Variants in PCDH19 observed in about 807,000 individuals in gnomAD.
The protein encoded by PCDH19 is protocadherin 19, also known as protocadherin-19.
In PCDH19, 6 loss-of-function variants were observed where a neutral mutation model predicts 46.2. The ratio of observed to expected loss-of-function variants is 0.13; its 90% CI spans 0.07 to 0.26. The LOEUF is 0.26. Ranked by LOEUF, PCDH19 falls within the 10% of genes least tolerant of loss-of-function variation. The pLI is 1.00. For synonymous variants in PCDH19, 481 were observed against 415.7 expected (o/e 1.16, Z -1.91); for missense variants, 740 against 972.3 (o/e 0.76, Z 3.18).
chrX:100,392,323 G>T (rs538914271), intron 3 of PCDH19, among the ~76,000 whole-genome samples: 241 of 112,147 alleles, frequency 2.1e-3, no homozygotes, highest in East Asian at 5.9e-3. Context: ...AAAATAGAAT[G>T]ACCTAGAAGT....
In PCDH19 at chrX:100,409,709, TCCGCCGCCGCCGCCGCCG is replaced by T. The variant is rs59564734; in HGVS notation, c.-1130_-1113del. ...TTTGGGCTGGGGTGTCGCTCCAAGG[TCCGCCGCCGCCGCCGCCG>T]CCGCCGCCGCCGCGGGAGGAAGCCC... On this transcript the variant is annotated 5_prime_UTR_variant, in exon 1 of 6. Coordinates refer to ENST00000373034, the MANE Select transcript of PCDH19 (RefSeq NM_001184880.2). The T allele has an allele frequency of 2.5e-4, 62 of 244,454 alleles. No individual in the cohort carries two copies. The highest frequency in any genetic ancestry group is 1.7e-3 in the African/African-American group (53 of 30,845). The allele number at this position is 244,454 out of a possible 1,213,427, so 20.1% of individuals were successfully genotyped here. A position where few individuals can be genotyped will look rare whatever the true frequency, so the allele number is the denominator to read the frequency against.
chrX:100,386,323 A>G (rs1482288569), intron 3 of PCDH19, among the ~76,000 whole-genome samples: 1 of 111,441 alleles, frequency 9.0e-6, no homozygotes, highest in Non-Finnish European at 1.9e-5. Flanking sequence ...CGAATAAAGC[A>G]TCGTGTGCTT....
rs1303168162 is a variant in PCDH19, at chrX:100,403,791, G to A, written c.2148-127C>T. On this transcript the variant is annotated intron_variant, in intron 1 of 5. Transcript: ENST00000373034. ...TTAACACTGACACAGACCCAGCAACGTGCACCAAAGACACCAGGCATTAAG... is the reference window on the plus strand; with the variant it reads ...TTAACACTGACACAGACCCAGCAACATGCACCAAAGACACCAGGCATTAAG... 6.2e-6 allele frequency: 3 copies of A among 486,941 alleles called. No homozygotes were observed. The African/African-American group carries it at 7.3e-5, about 12-fold the overall frequency. 40.1% of individuals were successfully genotyped at this position (486,941 alleles called of 1,213,427 possible). A position where few individuals can be genotyped will look rare whatever the true frequency, so the allele number is the denominator to read the frequency against.
intron 5 of PCDH19, among the ~76,000 whole-genome samples, chrX:100,327,252 T>C (rs1925722940): frequency 8.9e-6 from 1 of 112,277 alleles, no homozygotes; most frequent in Non-Finnish European, 1.9e-5. Flanking sequence ...TATCTGGATC[T>C]TCTCACAACA....
At chrX:100,366,156 CT>C (rs1927065934) in intron 3 of PCDH19, among the ~76,000 whole-genome samples, 1 of 112,119 alleles carries the variant, frequency 8.9e-6, no homozygotes, top group African/African-American at 3.2e-5. Flanking sequence ...AAACAACTTG[CT>C]TTGTTGCCAC....
At chrX:100,322,861 A>T (rs868232498) in intron 5 of PCDH19, among the ~76,000 whole-genome samples, 1,160 of 44,358 alleles carry the variant, frequency 0.026, 107 homozygotes, top group African/African-American at 0.1. Flanking sequence ...ATATATATAT[A>T]TATATTTTTG....
chrX:100,370,042 C>T (rs747767798), intron 3 of PCDH19, among the ~76,000 whole-genome samples: 63 of 111,320 alleles, frequency 5.7e-4, no homozygotes, highest in African/African-American at 1.9e-3. Context: ...ACTTCCAAAA[C>T]GACCACCAGA....
In PCDH19 at chrX:100,408,393, G is replaced by C. The variant is rs1457943470; in HGVS notation, c.205C>G (p.Pro69Ala). The change falls in exon 1 of 6, where the codon CCA (proline) becomes GCA (alanine). Residue 69 changes from proline (P) to alanine (A), a missense_variant. Physicochemically the swap from Pro to Ala is conservative, Grantham distance 27. Transcript: ENST00000373034. The stretch of plus-strand genomic sequence containing the variant: ...CTGGGATTGATGTCCACTAGGTGTG[G>C]AGCCGAGTTGGACACCACGCGAAAG... ...SAFRVVSNSA[P>A]HLVDINPSSG... 1.7e-6 allele frequency: 2 copies of C among 1,206,749 alleles called. No individual in the cohort carries two copies. The highest frequency in any genetic ancestry group is 2.2e-6 in the Non-Finnish European group (2 of 894,414).
At chrX:100,322,861 A>ATTTTTTTTTT (rs1157437894) in intron 5 of PCDH19, among the ~76,000 whole-genome samples, 4 of 44,400 alleles carry the variant, frequency 9.0e-5, no homozygotes, top group African/African-American at 3.2e-4. Flanking sequence ...ATATATATAT[A>ATTTTTTTTTT]TATATTTTTG....
chrX:100,331,616 C>T (rs1925873091), intron 5 of PCDH19, among the ~76,000 whole-genome samples: 1 of 111,928 alleles, frequency 8.9e-6, no homozygotes, highest in African/African-American at 3.3e-5. Context: ...AGGGAGGGAC[C>T]TGTAATCCCC....
rs192725308 is a variant in PCDH19, at chrX:100,353,235, G to A, written c.2617-2531C>T. On this transcript the variant is annotated intron_variant, in intron 3 of 5. Transcript: ENST00000373034. ...ACTAAATCATTTTTTCAAGAAGATT[G>A]GTAAAGAGACAAAAATACAAAAAGG... Among the ~76,000 whole-genome samples, 3 of 111,938 alleles carry A rather than the reference G, an allele frequency of 2.7e-5. No individual in the cohort carries two copies. The East Asian group carries it at 8.5e-4, about 32-fold the overall frequency.
At chrX:100,380,881 A>C (rs1274676664) in intron 3 of PCDH19, among the ~76,000 whole-genome samples, 2 of 112,573 alleles carry the variant, frequency 1.8e-5, no homozygotes, top group Non-Finnish European at 3.7e-5. Context: ...CATTGTATTG[A>C]TAATATAATT....
chrX:100,368,175 G>C (rs1479711041), intron 3 of PCDH19, among the ~76,000 whole-genome samples: 1 of 111,679 alleles, frequency 9.0e-6, no homozygotes, highest in Non-Finnish European at 1.9e-5. Flanking sequence ...TTTTGAGCCA[G>C]TAAAGGTTTT....
At chrX:100,341,868 T>C (rs1569297028) in intron 5 of PCDH19, 35 bp downstream of exon 5, 4 of 1,180,928 alleles carry the variant, frequency 3.4e-6, no homozygotes, top group African/African-American at 1.8e-5. Flanking sequence ...TTCTTTGGAG[T>C]CGATTGCTGC....
intron 3 of PCDH19, among the ~76,000 whole-genome samples, chrX:100,357,577 T>C (rs1926754386): frequency 8.9e-6 from 1 of 111,879 alleles, no homozygotes; most frequent in African/African-American, 3.3e-5. Context: ...TTCAAGACCT[T>C]ACAGTAGCTC....
Position 100,406,663 on chromosome X carries a change from G to A in PCDH19, c.1935C>T (p.His645=), listed in dbSNP as rs752598951. 1.7e-6 allele frequency: 2 copies of A among 1,211,608 alleles called. No homozygotes were observed. The highest frequency in any genetic ancestry group is 2.2e-6 in the Non-Finnish European group (2 of 895,334). Residue 645 remains histidine, a synonymous_variant, in exon 1 of 6, where the codon CAC becomes CAT. Transcript: ENST00000373034. ...KSSYELIVVA[H]DHGKTSLSAS... ...CAGAGAGAGATGTCTTGCCGTGGTC[G>A]TGAGCCACCACGATAAGCTCATAGG...
intron 3 of PCDH19, among the ~76,000 whole-genome samples, chrX:100,391,078 G>A (rs1927848792): frequency 9.0e-6 from 1 of 111,679 alleles, no homozygotes; most frequent in Admixed American, 9.5e-5. Context: ...ATAAAAAGCT[G>A]CTTATTTCCA....
intron 3 of PCDH19, among the ~76,000 whole-genome samples, chrX:100,395,792 C>T (rs771861130): frequency 1.8e-5 from 2 of 113,279 alleles, no homozygotes; most frequent in African/African-American, 6.4e-5. Context: ...CCTGGGTACA[C>T]CCACTAGAAG....
At chrX:100,303,931 G>T (rs1387316685) in intron 5 of PCDH19, among the ~76,000 whole-genome samples, 1 of 112,409 alleles carries the variant, frequency 8.9e-6, no homozygotes, top group African/African-American at 3.2e-5. Context: ...CCTGACAGAT[G>T]CCAAAGAAGT....
Sources: allele counts gnomAD v4.1 joint callset (sites outside exome capture counted in the v4.1 genomes callset), GRCh38; gene constraint gnomAD v4.1.1; transcripts MANE v1.5; gene names NCBI Gene and HGNC (gene_info 2026-07-23, HGNC 2026-07-21).